Variants in PARG observed in about 807,000 individuals in gnomAD.
PARG encodes the protein poly(ADP-ribose) glycohydrolase.
PARG carries 35 observed loss-of-function variants against 113.0 expected under a neutral mutation model. That is an observed-to-expected ratio of 0.31 (90% confidence interval 0.24 to 0.41). The LOEUF is 0.41. Among genes scored for constraint, PARG ranks in the 10% least tolerant of loss-of-function variants. The pLI is 1.00. For missense variants in PARG, 797 were observed against 1,169.4 expected (o/e 0.68, Z 4.64); for synonymous variants, 330 against 409.9 (o/e 0.81, Z 2.36).
intron 14 of PARG, among the ~76,000 whole-genome samples, chr10:49,842,594 A>T (rs1564606534): frequency 6.6e-6 from 1 of 152,258 alleles, no homozygotes; most frequent in Non-Finnish European, 1.5e-5. Context: ...AACTATTTTT[A>T]AAATAACAAA....
Position 49,923,959 on chromosome 10 carries a change from AG to A in PARG, c.1456-1291del, listed in dbSNP as rs554595198. Reference sequence around the variant, plus strand: ...GCCAACATATAAAACCTCAAGTCAAAGGTCAAACTGTGTACTTGATCTCTCA... The same window carrying A: ...GCCAACATATAAAACCTCAAGTCAAAGTCAAACTGTGTACTTGATCTCTCA... On this transcript the variant is annotated intron_variant, in intron 4 of 17. Coordinates refer to ENST00000616448, the MANE Select transcript of PARG (RefSeq NM_003631.5). 1.3e-3 allele frequency among the ~76,000 whole-genome samples: 190 copies of A among 142,514 alleles called. 4 individuals carry two copies. The East Asian group carries it at 0.035, about 26-fold the overall frequency. 93.5% of individuals were successfully genotyped at this position (142,514 alleles called of 152,430 possible). A position where few individuals can be genotyped will look rare whatever the true frequency, so the allele number is the denominator to read the frequency against.
chr10:49,827,431 G>A (rs533320934), intron 16 of PARG, among the ~76,000 whole-genome samples: 1 of 152,314 alleles, frequency 6.6e-6, no homozygotes, highest in East Asian at 1.9e-4. Flanking sequence ...CATATACGGG[G>A]AAGTCCAAGG....
chr10:49,884,587 C>T (rs1435398602), intron 8 of PARG, among the ~76,000 whole-genome samples: 24 of 151,912 alleles, frequency 1.6e-4, no homozygotes, highest in African/African-American at 5.3e-4. Flanking sequence ...GAAACTTAGC[C>T]GGGTATGGTG....
chr10:49,841,586 G>C (rs1442258755), intron 15 of PARG, among the ~76,000 whole-genome samples: 1 of 152,146 alleles, frequency 6.6e-6, no homozygotes, highest in African/African-American at 2.4e-5. Flanking sequence ...TTTTAACCCT[G>C]ATAGCATACT....
rs1588849419 is a variant in PARG at position 49,818,476 on chromosome 10, A to G, written c.*864T>C. 8 of 152,746 alleles carry G rather than the reference A, an allele frequency of 5.2e-5. No homozygotes were observed. The South Asian group carries it at 1.7e-3, about 32-fold the overall frequency. 9.5% of individuals were successfully genotyped at this position (152,746 alleles called of 1,614,324 possible). ...CTTCAATATGTACAAATCAGCATGA[A>G]GTTCCCAGTTCTCAAACTTTGGTTA... On this transcript the variant is annotated 3_prime_UTR_variant, in exon 18 of 18. Coordinates refer to ENST00000616448, the MANE Select transcript of PARG (RefSeq NM_003631.5).
chr10:49,881,375 A>G (rs549953171), intron 8 of PARG, among the ~76,000 whole-genome samples: 1 of 152,380 alleles, frequency 6.6e-6, no homozygotes, highest in Admixed American at 6.5e-5. Flanking sequence ...TTTTGTCAAC[A>G]TATTTTAAAT....
rs1443515404 is a variant in PARG, at chr10:49,846,829, A to T, written c.2354-3197T>A. On this transcript the variant is annotated intron_variant, in intron 13 of 17. Coordinates refer to ENST00000616448, the MANE Select transcript of PARG (RefSeq NM_003631.5). ...GGCTTCCAAAAACTAACTAAAATCC[A>T]GGACCACCTGCAGAAATGGCTGATT... Among the ~76,000 whole-genome samples, 19 of 152,180 alleles carry T rather than the reference A, an allele frequency of 1.2e-4. No individual in the cohort carries two copies. The South Asian group carries it at 2.1e-3, about 17-fold the overall frequency.
At chr10:49,904,741 C>A (rs552281113) in intron 7 of PARG, among the ~76,000 whole-genome samples, 1 of 152,004 alleles carries the variant, frequency 6.6e-6, no homozygotes, top group South Asian at 2.1e-4. Flanking sequence ...CATGGTGAAA[C>A]CCCATCTCTA....
chr10:49,819,468 A>G lies in PARG; in HGVS notation c.2803T>C (p.Tyr935His), dbSNP rs764332515. 5 of 1,551,334 alleles carry G rather than the reference A, an allele frequency of 3.2e-6. No homozygotes were observed. The South Asian group carries it at 5.9e-5, about 18-fold the overall frequency. The change falls in exon 18 of 18, where the codon TAC becomes CAC. Residue 935 changes from tyrosine (Y) to histidine (H), a missense_variant. Tyr to His is a moderately conservative substitution (Grantham distance 83). Around this residue, in one of 5 missense-constraint regions of PARG, gnomAD observed 194 missense variants for 247.1 expected, o/e 0.79. Coordinates refer to ENST00000616448, the MANE Select transcript of PARG (RefSeq NM_003631.5). ...CAGTTTCTGCATTCTTCATTGTAGTATCGTAGCAACAGCTTATACACATCT... is the reference window on the plus strand; with the variant it reads ...CAGTTTCTGCATTCTTCATTGTAGTGTCGTAGCAACAGCTTATACACATCT... The part of the protein sequence containing the change: ...VGDVYKLLLR[Y>H]YNEECRNCST...
intron 16 of PARG, among the ~76,000 whole-genome samples, chr10:49,829,704 A>G (rs1308220531): frequency 2.0e-5 from 3 of 152,234 alleles, no homozygotes; most frequent in African/African-American, 7.2e-5. Flanking sequence ...AACCATAGTT[A>G]ATCCTGGCAC....
chr10:49,822,152 A>G (rs1410985596), intron 16 of PARG, among the ~76,000 whole-genome samples: 1 of 152,172 alleles, frequency 6.6e-6, no homozygotes, highest in Non-Finnish European at 1.5e-5. Flanking sequence ...AGGAAGACAA[A>G]AAAGAACTGT....
intron 16 of PARG, among the ~76,000 whole-genome samples, chr10:49,822,129 A>C (rs1844123548): frequency 6.6e-6 from 1 of 152,216 alleles, no homozygotes; most frequent in African/African-American, 2.4e-5. Flanking sequence ...AGGGACACAC[A>C]AAAATGGAAT....
chr10:49,908,435 A>G (rs1836981107), intron 7 of PARG: 1 of 152,162 alleles, frequency 6.6e-6, no homozygotes, highest in Non-Finnish European at 1.5e-5. Context: ...AATTAAATTG[A>G]GCTGTAAAGT....
intron 7 of PARG, among the ~76,000 whole-genome samples, chr10:49,895,497 G>C (rs1239086993): frequency 2.0e-5 from 3 of 151,624 alleles, no homozygotes; most frequent in Non-Finnish European, 2.9e-5. Context: ...TCCGCCTCCT[G>C]GGTTCAAGCA....
chr10:49,901,790 T>C (rs1165358072), intron 7 of PARG, among the ~76,000 whole-genome samples: 1 of 152,172 alleles, frequency 6.6e-6, no homozygotes, highest in Non-Finnish European at 1.5e-5. Flanking sequence ...AAATTCAAAA[T>C]GCAGTCAAAC....
chr10:49,819,182 T>C lies in PARG; in HGVS notation c.*158A>G, dbSNP rs530888904. ...ATGGAGGGAGTTTAGATGTACCAAC[T>C]GACAACTGCACATGTGTGGAAGAGA... On this transcript the variant is annotated 3_prime_UTR_variant, in exon 18 of 18. Coordinates refer to ENST00000616448, the MANE Select transcript of PARG (RefSeq NM_003631.5). 7.7e-5 allele frequency: 43 copies of C among 560,424 alleles called. No individual in the cohort carries two copies. The South Asian group carries it at 8.5e-4, about 11-fold the overall frequency. The allele number at this position is 560,424 out of a possible 1,614,324, so 34.7% of individuals were successfully genotyped here.
rs533567934 is a variant in PARG at position 49,818,965 on chromosome 10, G to C, written c.*375C>G. 3 of 157,334 alleles carry C rather than the reference G, an allele frequency of 1.9e-5. No individual in the cohort carries two copies. The highest frequency in any genetic ancestry group is 7.2e-5 in the African/African-American group (3 of 41,580). The allele number at this position is 157,334 out of a possible 1,614,324, so 9.7% of individuals were successfully genotyped here. On this transcript the variant is annotated 3_prime_UTR_variant, in exon 18 of 18. Transcript: ENST00000616448. ...GGATTTCAACTTGTTTCCTGGCATC[G>C]CTGGCATCTGCGGGCTGCAGAAGCA...
At chr10:49,867,837 C>T (rs1206736554) in intron 10 of PARG, among the ~76,000 whole-genome samples, 10 of 151,902 alleles carry the variant, frequency 6.6e-5, no homozygotes, top group Non-Finnish European at 1.5e-4. Flanking sequence ...AGAAGACATA[C>T]ATGATTTGAC....
At chr10:49,841,852 C>T in intron 15 of PARG, 98 bp downstream of exon 15, 1 of 754,948 alleles carries the variant, frequency 1.3e-6, no homozygotes, top group Non-Finnish European at 2.3e-6. Context: ...GACATACTGA[C>T]ACTGCAATAA....
Sources: allele counts gnomAD v4.1 joint callset (sites outside exome capture counted in the v4.1 genomes callset), GRCh38; gene constraint gnomAD v4.1.1; regional missense constraint gnomAD v4.1.1; transcripts MANE v1.5; gene names NCBI Gene and HGNC (gene_info 2026-07-23, HGNC 2026-07-21).